Variants in SNX6 observed in about 807,000 individuals in gnomAD.
The protein encoded by SNX6 is sorting nexin-6.
In SNX6, 34 loss-of-function variants were observed where a neutral mutation model predicts 63.0. The observed-to-expected ratio is 0.54, with a 90% CI of 0.41 to 0.72. The LOEUF (loss-of-function observed/expected upper bound fraction) is 0.72. Among genes scored for constraint, SNX6 ranks in the 30% least tolerant of loss-of-function variants. The pLI is 0.00. For missense variants in SNX6, 398 were observed against 471.4 expected (o/e 0.84, Z 1.44); for synonymous variants, 170 against 164.2 (o/e 1.04, Z -0.27).
At chr14:34,580,957 G>T (rs1223420369) in intron 10 of SNX6, among the ~76,000 whole-genome samples, 1 of 151,830 alleles carries the variant, frequency 6.6e-6, no homozygotes, top group Non-Finnish European at 1.5e-5. Context: ...GCACACAGAA[G>T]AATATGAACT....
At chr14:34,571,916 T>G (rs1421685236) in intron 11 of SNX6, among the ~76,000 whole-genome samples, 1 of 152,212 alleles carries the variant, frequency 6.6e-6, no homozygotes, top group African/African-American at 2.4e-5. Flanking sequence ...GGTCTTGAAT[T>G]CCTGGCCTCC....
chr14:34,586,270 A>T lies in SNX6; in HGVS notation c.754T>A (p.Leu252Ile), dbSNP rs1882153075. 5 of 1,608,774 alleles carry T rather than the reference A, an allele frequency of 3.1e-6. No individual in the cohort carries two copies. The South Asian group carries it at 5.5e-5, about 18-fold the overall frequency. The change falls in exon 9 of 14, where the codon TTA (leucine) becomes ATA (isoleucine). Residue 252 changes from leucine (L) to isoleucine (I), a missense_variant. Leu to Ile is a conservative substitution (Grantham distance 5, BLOSUM62 2). Coordinates refer to ENST00000362031, the MANE Select transcript of SNX6 (RefSeq NM_152233.4). ...ADDYNRIGSSLYALGTQDSTD... is the reference protein window; with the variant it reads ...ADDYNRIGSSIYALGTQDSTD... ...GAATCCTGAGTTCCTAAAGCATATA[A>T]TGAAGAACCAATTCTATTGTAATCA... is the stretch of plus-strand genomic sequence containing the variant.
chr14:34,619,088 A>G (rs541140021), intron 2 of SNX6, among the ~76,000 whole-genome samples: 1 of 152,320 alleles, frequency 6.6e-6, no homozygotes, highest in East Asian at 1.9e-4. Flanking sequence ...AACTATTTTC[A>G]GGTAATTACA....
In SNX6 at chr14:34,604,325, G is replaced by A. The variant is rs183683206; in HGVS notation, c.393-854C>T. The A allele has an allele frequency of 7.1e-4, 857 of 1,203,678 alleles. 5 individuals are homozygous for A. Among genetic ancestry groups the A allele is most frequent in the South Asian group, 1.4e-3 (95 of 66,836 alleles). 74.6% of individuals were successfully genotyped at this position (1,203,678 alleles called of 1,614,324 possible). Reference sequence around the variant, plus strand: ...GCCACTGGAAAATCACAGATTCTTCGATATTAATGTGCTCTGCTCATTTCC... The same window carrying A: ...GCCACTGGAAAATCACAGATTCTTCAATATTAATGTGCTCTGCTCATTTCC... On this transcript the variant is annotated intron_variant, in intron 5 of 13. Transcript: ENST00000362031.
intron 5 of SNX6, among the ~76,000 whole-genome samples, chr14:34,603,882 G>T (rs564009578): frequency 3.9e-5 from 6 of 152,052 alleles, no homozygotes; most frequent in African/African-American, 1.4e-4. Flanking sequence ...CCAAACCTCG[G>T]TGAGCATATT....
At chr14:34,568,528 G>C (rs1881293736) in intron 11 of SNX6, among the ~76,000 whole-genome samples, 1 of 151,842 alleles carries the variant, frequency 6.6e-6, no homozygotes, top group African/African-American at 2.4e-5. Flanking sequence ...TAGAGACGGG[G>C]CCTCACTATG....
intron 2 of SNX6, among the ~76,000 whole-genome samples, chr14:34,621,688 T>C (rs1883625908): frequency 6.6e-6 from 1 of 152,154 alleles, no homozygotes; most frequent in Non-Finnish European, 1.5e-5. Flanking sequence ...CCTTCCTACA[T>C]TCTATGTTTT....
rs117805944 is a variant in SNX6, at chr14:34,604,293, G to C, written c.393-822C>G. 5,862 of 1,241,590 alleles carry C rather than the reference G, an allele frequency of 4.7e-3. 10 individuals carry two copies. Among genetic ancestry groups the C allele is most frequent in the Non-Finnish European group, 5.6e-3 (5,488 of 972,180 alleles). 76.9% of individuals were successfully genotyped at this position (1,241,590 alleles called of 1,614,324 possible). ...CCTAACCAGACCACAAAAGAATCATGATCAGGGCCACTGGAAAATCACAGA... is the reference window on the plus strand; with the variant it reads ...CCTAACCAGACCACAAAAGAATCATCATCAGGGCCACTGGAAAATCACAGA... On this transcript the variant is annotated intron_variant, in intron 5 of 13. Transcript: ENST00000362031.
At chr14:34,612,200 C>T (rs1051720912) in intron 2 of SNX6, among the ~76,000 whole-genome samples, 1 of 152,154 alleles carries the variant, frequency 6.6e-6, no homozygotes, top group African/African-American at 2.4e-5. Flanking sequence ...CTTGGCCTCC[C>T]AAAGTGCTGG....
In SNX6 at chr14:34,596,070, AT is replaced by A. The variant is rs1293771513; in HGVS notation, c.612+1479del. 5.9e-5 allele frequency among the ~76,000 whole-genome samples: 9 copies of A among 151,870 alleles called. No individual in the cohort carries two copies. The East Asian group carries it at 1.8e-3, about 30-fold the overall frequency. The stretch of plus-strand genomic sequence containing the variant: ...CCATCTGTACTAAAAATACAAAAAA[AT>A]TAGCTGGGCGTGATGGCGGGCACCT... On this transcript the variant is annotated intron_variant, in intron 7 of 13. Coordinates refer to ENST00000362031, the MANE Select transcript of SNX6 (RefSeq NM_152233.4).
intron 2 of SNX6, among the ~76,000 whole-genome samples, chr14:34,610,496 C>A (rs1251814140): frequency 2.0e-5 from 3 of 151,130 alleles, no homozygotes; most frequent in East Asian, 1.9e-4. Flanking sequence ...TATCAAGCAA[C>A]AATTTTAACT....
At chr14:34,571,456 G>A (rs1235805092) in intron 11 of SNX6, among the ~76,000 whole-genome samples, 1 of 151,676 alleles carries the variant, frequency 6.6e-6, no homozygotes, top group Non-Finnish European at 1.5e-5. Context: ...AACAAAAAAC[G>A]GAAAGACACA....
intron 2 of SNX6, among the ~76,000 whole-genome samples, chr14:34,616,570 C>A (rs1883426451): frequency 6.6e-6 from 1 of 152,090 alleles, no homozygotes; most frequent in African/African-American, 2.4e-5. Context: ...GTTGCCCAGG[C>A]TGGTCTTGAG....
intron 10 of SNX6, among the ~76,000 whole-genome samples, chr14:34,577,924 C>T (rs924013172): frequency 1.3e-5 from 2 of 152,152 alleles, no homozygotes; most frequent in African/African-American, 4.8e-5. Flanking sequence ...TTAATATTGG[C>T]CAGGTGCAGT....
intron 2 of SNX6, among the ~76,000 whole-genome samples, chr14:34,627,901 G>A (rs1402692392): frequency 6.6e-6 from 1 of 152,150 alleles, no homozygotes; most frequent in Non-Finnish European, 1.5e-5. Flanking sequence ...GATTAAAGGT[G>A]TGAGCCATTG....
At chr14:34,583,379 A>G (rs1268381488) in intron 9 of SNX6, among the ~76,000 whole-genome samples, 1 of 152,104 alleles carries the variant, frequency 6.6e-6, no homozygotes, top group Non-Finnish European at 1.5e-5. Flanking sequence ...TGACAGATAA[A>G]CTATTTAGTT....
In SNX6 at chr14:34,605,635, G is replaced by A. The variant is rs748255271; in HGVS notation, c.353C>T (p.Thr118Met). The change falls in exon 5 of 14, where the codon ACG becomes ATG. Residue 118 changes from threonine (T) to methionine (M), a missense_variant. By Grantham distance (81) the Thr-to-Met change is moderately conservative (BLOSUM62 -1). Coordinates refer to ENST00000362031, the MANE Select transcript of SNX6 (RefSeq NM_152233.4). ...TTTCATCTTTGTGAATTCTTCCTTC[G>A]TCATTGACCCTTCTCCTTCACCAAG... is the stretch of plus-strand genomic sequence containing the variant. ...QKLGEGEGSM[T>M]KEEFTKMKQE... The A allele has an allele frequency of 1.1e-5, 18 of 1,603,148 alleles. No individual in the cohort carries two copies. Among genetic ancestry groups the A allele is most frequent in the South Asian group, 2.2e-5 (2 of 89,104 alleles).
At position 34,564,050 on chromosome 14, in the gene SNX6, CAG is replaced by C. The variant is rs1458650679; in HGVS notation, c.1168-877_1168-876del. Among the ~76,000 whole-genome samples the C allele has an allele frequency of 3.3e-5, 5 of 151,880 alleles. No individual in the cohort carries two copies. In the South Asian group the frequency reaches 8.3e-4, roughly 25 times the overall value. On this transcript the variant is annotated intron_variant, in intron 13 of 13. Transcript: ENST00000362031. ...CACTGCGCTGGCCTTTGTTTTGAGA[CAG>C]AGTCTTGCTTTGTCACCCAGACTAA...
intron 2 of SNX6, among the ~76,000 whole-genome samples, chr14:34,616,359 A>C (rs965186132): frequency 6.6e-6 from 1 of 152,138 alleles, no homozygotes; most frequent in Non-Finnish European, 1.5e-5. Context: ...AAATCTGATA[A>C]AATATATTGT....
Sources: allele counts gnomAD v4.1 joint callset (sites outside exome capture counted in the v4.1 genomes callset), GRCh38; gene constraint gnomAD v4.1.1; transcripts MANE v1.5; gene names NCBI Gene and HGNC (gene_info 2026-07-23, HGNC 2026-07-21).